ARHGAP22: variants seen among roughly 807,000 people sequenced by gnomAD.
ARHGAP22 encodes Rho GTPase activating protein 22, also known as rho GTPase-activating protein 22.
In ARHGAP22, 48 loss-of-function variants were observed where a neutral mutation model predicts 59.1. That is an observed-to-expected ratio of 0.81 (90% confidence interval 0.64 to 1.03). The LOEUF (loss-of-function observed/expected upper bound fraction) is 1.03, where lower values mean the gene tolerates loss of function less well. Ranked by LOEUF, ARHGAP22 falls within the 50% of genes least tolerant of loss-of-function variation. ARHGAP22 has a pLI of 0.00. For synonymous variants in ARHGAP22, 445 were observed against 416.4 expected, an observed-to-expected ratio of 1.07 and a Z score of -0.84; for missense variants, 1,015 against 958.7, an observed-to-expected ratio of 1.06 and a Z score of -0.78.
chr10:48,443,861 C>T (rs1259927653), downstream of ARHGAP22: 2 of 152,198 alleles, frequency 1.3e-5, no homozygotes, highest in Non-Finnish European at 2.9e-5. Flanking sequence ...ATTTCTGTTT[C>T]TCACACACAC....
chr10:48,462,140 G>A (rs2047193480), intron 4 of ARHGAP22, among the ~76,000 whole-genome samples: 1 of 152,076 alleles, frequency 6.6e-6, no homozygotes, highest in Non-Finnish European at 1.5e-5. Flanking sequence ...CATGTAGTGT[G>A]GGCTTGTGTG....
chr10:48,587,023 C>T (rs946233214), intron 1 of ARHGAP22, among the ~76,000 whole-genome samples: 1 of 152,252 alleles, frequency 6.6e-6, no homozygotes, highest in Admixed American at 6.5e-5. Context: ...CTGTGCTGCA[C>T]AGCCCTGGCT....
intron 1 of ARHGAP22, among the ~76,000 whole-genome samples, chr10:48,644,739 A>G (rs1365274541): frequency 1.3e-5 from 2 of 152,162 alleles, no homozygotes; most frequent in Non-Finnish European, 2.9e-5. Flanking sequence ...GAAAATGAAA[A>G]ATAATATGCC....
chr10:48,642,905 A>G (rs1487470909), intron 1 of ARHGAP22, among the ~76,000 whole-genome samples: 1 of 152,232 alleles, frequency 6.6e-6, no homozygotes, highest in Non-Finnish European at 1.5e-5. Context: ...AAAAACAAAC[A>G]ACTCCATCAA....
intron 2 of ARHGAP22, among the ~76,000 whole-genome samples, chr10:48,569,855 TGTC>T (rs1250992682): frequency 6.6e-6 from 1 of 152,218 alleles, no homozygotes; most frequent in African/African-American, 2.4e-5. Context: ...GGTCTTGAGG[TGTC>T]ATCAGGCCTC....
intron 4 of ARHGAP22, among the ~76,000 whole-genome samples, chr10:48,468,343 C>T (rs888732329): frequency 2.6e-5 from 4 of 152,126 alleles, no homozygotes; most frequent in African/African-American, 9.7e-5. Context: ...ATCTAAGGGG[C>T]CAGGTGCAAT....
intron 3 of ARHGAP22, chr10:48,493,571 G>A (rs1433628905): frequency 9.3e-6 from 14 of 1,512,476 alleles, no homozygotes; most frequent in African/African-American, 4.1e-5. Context: ...CCAGGTGCAC[G>A]AGGCACTCCT....
intron 3 of ARHGAP22, among the ~76,000 whole-genome samples, chr10:48,504,187 A>G (rs535704691): frequency 2.6e-5 from 4 of 152,192 alleles, no homozygotes; most frequent in South Asian, 4.1e-4. Context: ...AAAGGGGAGG[A>G]AGGATCCCCT....
chr10:48,496,281 G>A (rs905699626), intron 3 of ARHGAP22, among the ~76,000 whole-genome samples: 14 of 152,104 alleles, frequency 9.2e-5, no homozygotes, highest in Non-Finnish European at 1.5e-4. Context: ...GGTGGTATGA[G>A]GATATACAAT....
At chr10:48,612,108 A>G (rs2135976881) in intron 1 of ARHGAP22, among the ~76,000 whole-genome samples, 1 of 151,128 alleles carries the variant, frequency 6.6e-6, no homozygotes, top group Middle Eastern at 3.5e-3. Context: ...GGCGTGAGCC[A>G]CCACACCCAG....
intron 3 of ARHGAP22, among the ~76,000 whole-genome samples, chr10:48,512,304 T>G (rs1173280741): frequency 2.0e-5 from 3 of 152,242 alleles, no homozygotes; most frequent in Non-Finnish European, 4.4e-5. Flanking sequence ...CAGGCTCTGG[T>G]GCCAGATAGC....
intron 3 of ARHGAP22, 90 bp downstream of exon 3, chr10:48,555,373 G>A (rs572932927): frequency 1.5e-6 from 2 of 1,313,166 alleles, no homozygotes; most frequent in Non-Finnish European, 2.2e-6. Flanking sequence ...GCTCCTGCGG[G>A]AGGAGTGTCA....
intron 1 of ARHGAP22, among the ~76,000 whole-genome samples, chr10:48,620,663 C>T (rs1024964312): frequency 1.6e-4 from 24 of 152,136 alleles, no homozygotes; most frequent in Non-Finnish European, 3.4e-4. Context: ...AAGCTGAAAT[C>T]CAGCATGGGG....
chr10:48,476,158 C>T (rs1271760335), intron 4 of ARHGAP22, among the ~76,000 whole-genome samples: 1 of 152,196 alleles, frequency 6.6e-6, no homozygotes, highest in East Asian at 1.9e-4. Flanking sequence ...CCCTCCAGCT[C>T]GCTGCTGTCT....
chr10:48,580,559 G>A (rs1019356954), intron 2 of ARHGAP22, among the ~76,000 whole-genome samples: 1 of 152,170 alleles, frequency 6.6e-6, no homozygotes, highest in Non-Finnish European at 1.5e-5. Context: ...GACAGTAAGG[G>A]TCCAGGCAGG....
intron 1 of ARHGAP22, among the ~76,000 whole-genome samples, chr10:48,631,642 T>A (rs2061632011): frequency 6.6e-6 from 1 of 152,220 alleles, no homozygotes; most frequent in African/African-American, 2.4e-5. Flanking sequence ...GTTCCTTATA[T>A]CAGTATTCCC....
the ARHGAP22 span, chr10:48,434,925 T>TCGTCTGTCA: frequency 2.5e-6 from 4 of 1,613,656 alleles, no homozygotes; most frequent in Non-Finnish European, 3.4e-6. Flanking sequence ...ATCATCATCG[T>TCGTCTGTCA]CGTCTGTCAA....
chr10:48,554,724 C>G (rs1418193324), intron 3 of ARHGAP22, among the ~76,000 whole-genome samples: 4 of 152,156 alleles, frequency 2.6e-5, no homozygotes, highest in Non-Finnish European at 5.9e-5. Context: ...CCCTCTGAAG[C>G]CTGTTCTGCA....
upstream of ARHGAP22, chr10:48,605,220 C>CGG (rs566895335): frequency 1.1e-3 from 1,021 of 945,076 alleles, 1 homozygote; most frequent in African/African-American, 6.9e-3. Context: ...ACTGGGGTTC[C>CGG]GGCCATCCTT....
Sources: gnomAD v4.1 joint callset for allele counts (sites outside exome capture counted in the v4.1 genomes callset) on GRCh38, gnomAD v4.1.1 for gene constraint, MANE v1.5 for transcripts, NCBI Gene and HGNC (gene_info 2026-07-23, HGNC 2026-07-21) for gene names.